The following FAM151B variants were observed in gnomAD, a reference collection of about 807,000 sequenced individuals.
FAM151B encodes family with sequence similarity 151 member B.
FAM151B carries 24 observed loss-of-function variants against 31.2 expected under a neutral mutation model. The observed-to-expected ratio is 0.77, with a 90% confidence interval of 0.56 to 1.08. The LOEUF is 1.08. Ranked by LOEUF, FAM151B falls within the 50% of genes least tolerant of loss-of-function variation. The pLI, the probability that FAM151B is intolerant of heterozygous loss-of-function variation, is 0.00. For synonymous variants in FAM151B, 105 were observed against 111.4 expected, an observed-to-expected ratio of 0.94 and a Z score of 0.36; for missense variants, 293 against 328.6, an observed-to-expected ratio of 0.89 and a Z score of 0.84.
At chr5:80,511,531 C>T (rs1472517693) in intron 2 of FAM151B, among the ~76,000 whole-genome samples, 1 of 151,194 alleles carries the variant, frequency 6.6e-6, no homozygotes, top group African/African-American at 2.4e-5. Context: ...TGTGCGATTA[C>T]CTGTCATCTA....
intron 5 of FAM151B, among the ~76,000 whole-genome samples, chr5:80,531,640 C>T (rs879942033): frequency 4.6e-5 from 7 of 152,162 alleles, no homozygotes; most frequent in South Asian, 2.1e-4. Context: ...TGAAAAAATG[C>T]TCATCATCAC....
At chr5:80,519,666 C>T (rs1744610958) in intron 3 of FAM151B, 27 bp from the exon 4 acceptor site, 1 of 1,595,642 alleles carries the variant, frequency 6.3e-7, no homozygotes, top group East Asian at 2.2e-5. Context: ...AAGAATCTAT[C>T]TCATTGACAA....
chr5:80,533,234 G>A (rs183752470), intron 5 of FAM151B, among the ~76,000 whole-genome samples: 6 of 151,862 alleles, frequency 4.0e-5, no homozygotes, highest in Non-Finnish European at 8.8e-5. Flanking sequence ...AAAAATAGCC[G>A]GGCGTGGTGG....
At chr5:80,516,014 T>C (rs550744567) in intron 3 of FAM151B, among the ~76,000 whole-genome samples, 8 of 152,334 alleles carry the variant, frequency 5.3e-5, no homozygotes, top group African/African-American at 1.9e-4. Flanking sequence ...TTACTTTGTT[T>C]GGTACACAAA....
chr5:80,529,189 C>T (rs1023351840), intron 5 of FAM151B, among the ~76,000 whole-genome samples: 5 of 152,068 alleles, frequency 3.3e-5, no homozygotes, highest in African/African-American at 7.2e-5. Context: ...TTGAAACCAA[C>T]AAGAACAAAG....
At chr5:80,503,426 G>A (rs1273793555) in intron 2 of FAM151B, among the ~76,000 whole-genome samples, 2 of 151,872 alleles carry the variant, frequency 1.3e-5, no homozygotes, top group Non-Finnish European at 1.5e-5. Context: ...AAAATTAGCC[G>A]GGCATGGTGG....
intron 5 of FAM151B, among the ~76,000 whole-genome samples, chr5:80,532,969 A>G (rs1439534908): frequency 6.6e-6 from 1 of 152,246 alleles, no homozygotes; most frequent in East Asian, 1.9e-4. Flanking sequence ...GAAACACAAC[A>G]TATCAAAACC....
At chr5:80,540,694 T>A (rs538520186) in intron 5 of FAM151B, among the ~76,000 whole-genome samples, 134 of 152,314 alleles carry the variant, frequency 8.8e-4, no homozygotes, top group African/African-American at 3.2e-3. Flanking sequence ...TAGCAAAAAA[T>A]ATAGGTTTCA....
intron 5 of FAM151B, among the ~76,000 whole-genome samples, chr5:80,537,741 TAGAA>T (rs1296500090): frequency 3.9e-5 from 6 of 152,162 alleles, no homozygotes; most frequent in Non-Finnish European, 7.4e-5. Flanking sequence ...AGGAGTTTGT[TAGAA>T]AGAAAAAGGA....
At chr5:80,500,105 G>A (rs1263848928) in intron 1 of FAM151B, 7 of 264,792 alleles carry the variant, frequency 2.6e-5, no homozygotes, top group Admixed American at 1.5e-4. Context: ...TCCACATCAT[G>A]GATGAGCCCG....
intron 2 of FAM151B, among the ~76,000 whole-genome samples, chr5:80,507,801 T>C (rs1371822887): frequency 6.6e-6 from 1 of 152,222 alleles, no homozygotes; most frequent in Non-Finnish European, 1.5e-5. Context: ...AAGTCCACCT[T>C]CACAGTGTTT....
At chr5:80,512,987 C>A (rs1242159208) in intron 2 of FAM151B, among the ~76,000 whole-genome samples, 1 of 152,030 alleles carries the variant, frequency 6.6e-6, no homozygotes. Context: ...ATCACAAGAC[C>A]TGCCCAGCTG....
At chr5:80,494,116 T>C (rs1309296014) in intron 1 of FAM151B, among the ~76,000 whole-genome samples, 1 of 152,182 alleles carries the variant, frequency 6.6e-6, no homozygotes, top group Non-Finnish European at 1.5e-5. Flanking sequence ...TCCCCCGATA[T>C]ATGGAGAAAG....
At chr5:80,503,695 A>T (rs1370437409) in intron 2 of FAM151B, among the ~76,000 whole-genome samples, 1 of 152,192 alleles carries the variant, frequency 6.6e-6, no homozygotes, top group Admixed American at 6.5e-5. Context: ...TACAATTTGT[A>T]TAATAATAGT....
chr5:80,522,198 G>A, intron 5 of FAM151B, 60 bp downstream of exon 5: 12 of 1,507,454 alleles, frequency 8.0e-6, no homozygotes, highest in Non-Finnish European at 1.1e-5. Flanking sequence ...GATAGAAAGG[G>A]CATGAAAATT....
chr5:80,520,521 T>C (rs1375645908), intron 4 of FAM151B, among the ~76,000 whole-genome samples: 1 of 151,454 alleles, frequency 6.6e-6, no homozygotes, highest in Non-Finnish European at 1.5e-5. Flanking sequence ...AGTGTGTGCC[T>C]GTAGTCTCAG....
intron 1 of FAM151B, chr5:80,498,923 G>A (rs1233846925): frequency 1.4e-5 from 4 of 290,398 alleles, no homozygotes; most frequent in African/African-American, 4.5e-5. Context: ...TATTGTGTCC[G>A]AGGGTTCAAC....
At chr5:80,494,456 TTTTCTTTCTTTC>T (rs3043120) in intron 1 of FAM151B, among the ~76,000 whole-genome samples, 2,530 of 82,504 alleles carry the variant, frequency 0.031, 91 homozygotes, top group African/African-American at 0.07. Flanking sequence ...TCTTTCTTTC[TTTTCTTTCTTTC>T]TTTCTTTCTT....
At chr5:80,527,073 T>C (rs774760218) in intron 5 of FAM151B, among the ~76,000 whole-genome samples, 2 of 152,170 alleles carry the variant, frequency 1.3e-5, no homozygotes, top group African/African-American at 4.8e-5. Flanking sequence ...TCTGCAAAGA[T>C]CCTGCAGAAG....
Sources: gnomAD v4.1 joint callset for allele counts (sites outside exome capture counted in the v4.1 genomes callset) on GRCh38, gnomAD v4.1.1 for gene constraint, MANE v1.5 for transcripts, NCBI Gene and HGNC (gene_info 2026-07-23, HGNC 2026-07-21) for gene names.